The following TP53BP1 variants were observed in gnomAD, a reference collection of about 807,000 sequenced individuals.
TP53BP1 encodes the protein tumor protein p53 binding protein 1.
In TP53BP1, 61 loss-of-function variants were observed where a neutral mutation model predicts 200.8. The ratio of observed to expected loss-of-function variants is 0.30; its 90% confidence interval spans 0.25 to 0.38. The LOEUF is 0.38. Ranked by LOEUF, TP53BP1 falls within the 10% of genes least tolerant of loss-of-function variation. The pLI is 1.00. For synonymous variants in TP53BP1, 822 were observed against 844.3 expected (o/e 0.97, Z 0.46); for missense variants, 2,144 against 2,371.9 (o/e 0.90, Z 2.00).
intron 16 of TP53BP1, among the ~76,000 whole-genome samples, chr15:43,437,811 C>A (rs1197882374): frequency 6.6e-6 from 1 of 152,182 alleles, no homozygotes; most frequent in African/African-American, 2.4e-5. Flanking sequence ...AGTAGCAGTA[C>A]ATCTTAGTCT....
intron 14 of TP53BP1, among the ~76,000 whole-genome samples, chr15:43,444,697 C>A (rs761930237): frequency 1.3e-5 from 2 of 152,088 alleles, no homozygotes; most frequent in Non-Finnish European, 2.9e-5. Flanking sequence ...ATGTGAAGTA[C>A]CTGGTATACA....
chr15:43,446,660 A>C, intron 13 of TP53BP1, 70 bp from the exon 14 acceptor site: 1 of 1,577,084 alleles, frequency 6.3e-7, no homozygotes, highest in Non-Finnish European at 8.6e-7. Context: ...CAGCAATTCA[A>C]GGTCATCAAT....
At chr15:43,454,784 T>C (rs1177955122) in intron 12 of TP53BP1, among the ~76,000 whole-genome samples, 1 of 152,180 alleles carries the variant, frequency 6.6e-6, no homozygotes, top group African/African-American at 2.4e-5. Context: ...CAGGCTGCAA[T>C]GCAGTGGCGT....
At chr15:43,484,003 T>C (rs1473455945) in intron 4 of TP53BP1, among the ~76,000 whole-genome samples, 1 of 152,034 alleles carries the variant, frequency 6.6e-6, no homozygotes, top group African/African-American at 2.4e-5. Flanking sequence ...GGCCTAGACT[T>C]TTCCCTCTGA....
chr15:43,490,090 ATTATT>A (rs2079100507), intron 4 of TP53BP1, among the ~76,000 whole-genome samples: 1 of 148,012 alleles, frequency 6.8e-6, no homozygotes, highest in Admixed American at 6.7e-5. Context: ...TTTTTTTTTT[ATTATT>A]TTATTTTATT....
rs1038081557 is a variant in TP53BP1, at chr15:43,409,087, C to A, written c.5410G>T (p.Ala1804Ser). Residue 1804 changes from alanine to serine, a missense_variant, in exon 26 of 28, where the codon GCT (alanine) becomes TCT (serine). Around this residue, in one of 4 missense-constraint regions of TP53BP1, gnomAD observed 334 missense variants for 453.4 expected, o/e 0.74. Transcript: ENST00000382044. Reference sequence around the variant, plus strand: ...TCCGCAATTAGAAGACACTGGTAAGCTGTGTTACACTGCAAGAAAAGAAGC... The same window carrying A: ...TCCGCAATTAGAAGACACTGGTAAGATGTGTTACACTGCAAGAAAAGAAGC... Reference protein sequence around the residue: ...EDFNEAQCNTAYQCLLIADQH... With the variant: ...EDFNEAQCNTSYQCLLIADQH... 1 of 1,614,170 alleles carries A rather than the reference C, an allele frequency of 6.2e-7. No homozygotes were observed. Among genetic ancestry groups the A allele is most frequent in the African/African-American group, 1.3e-5 (1 of 75,046 alleles).
In TP53BP1 at chr15:43,447,488, G is replaced by GAA. The variant is rs749575788; in HGVS notation, c.2717-5_2717-4dup. On this transcript the variant is annotated splice_region_variant and splice_polypyrimidine_tract_variant and intron_variant, in intron 12 of 27. Transcript: ENST00000382044. ...CAAAGTGAAATGAAATGGGGTTTCT[G>GAA]AAAAAAAAAAAAAAAAGAAAAAAGA... The GAA allele has an allele frequency of 4.0e-3, 3,755 of 948,758 alleles. 2 individuals are homozygous for GAA. Among genetic ancestry groups the GAA allele is most frequent in the South Asian group, 8.8e-3 (301 of 34,210 alleles). 58.8% of individuals were successfully genotyped at this position (948,758 alleles called of 1,614,324 possible). A position where few individuals can be genotyped will look rare whatever the true frequency, so the allele number is the denominator to read the frequency against.
intron 13 of TP53BP1, chr15:43,446,930 A>T (rs1566939008): frequency 3.1e-6 from 2 of 640,452 alleles, no homozygotes; most frequent in Admixed American, 2.3e-5. Flanking sequence ...GAAAACAAAT[A>T]GGTTAATGTA....
Position 43,405,292 on chromosome 15 carries a change from C to A in TP53BP1, c.*2091G>T, listed in dbSNP as rs1055679436. 1 of 1,511,938 alleles carries A rather than the reference C, an allele frequency of 6.6e-7. No homozygotes were observed. Among genetic ancestry groups the A allele is most frequent in the Non-Finnish European group, 9.2e-7 (1 of 1,088,536 alleles). The allele number at this position is 1,511,938 out of a possible 1,614,324, so 93.7% of individuals were successfully genotyped here. A position where few individuals can be genotyped will look rare whatever the true frequency, so the allele number is the denominator to read the frequency against. On this transcript the variant is annotated 3_prime_UTR_variant, in exon 28 of 28. Transcript: ENST00000382044. ...GAAGATTCAAAACATCCCATTCTAG[C>A]CACACACAAATAAATATCTGCGGCT...
At chr15:43,462,216 C>CAAAAAAAA (rs779088744) in intron 11 of TP53BP1, among the ~76,000 whole-genome samples, 9 of 34,096 alleles carry the variant, frequency 2.6e-4, no homozygotes, top group Non-Finnish European at 3.7e-4. Flanking sequence ...GACTTCATCT[C>CAAAAAAAA]AAAAAAAAAA....
At position 43,406,230 on chromosome 15, in the gene TP53BP1, G is replaced by A. The variant is rs540676048; in HGVS notation, c.*1153C>T. 4.8e-4 allele frequency: 89 copies of A among 184,436 alleles called. No homozygotes were observed. Among genetic ancestry groups the A allele is most frequent in the African/African-American group, 2.1e-3 (88 of 42,212 alleles). 11.4% of individuals were successfully genotyped at this position (184,436 alleles called of 1,614,324 possible). On this transcript the variant is annotated 3_prime_UTR_variant, in exon 28 of 28. Transcript: ENST00000382044. ...TCACTGGTAATCAATATTCATATCA[G>A]TGTAAGTAAAAAGAAATATTCACTG...
chr15:43,491,317 G>A (rs1274782070), intron 4 of TP53BP1, among the ~76,000 whole-genome samples: 1 of 152,130 alleles, frequency 6.6e-6, no homozygotes, highest in African/African-American at 2.4e-5. Flanking sequence ...CTGACCTCAA[G>A]TGATCCATCC....
intron 12 of TP53BP1, among the ~76,000 whole-genome samples, chr15:43,452,830 G>C (rs1332660088): frequency 2.6e-5 from 4 of 152,054 alleles, no homozygotes; most frequent in African/African-American, 9.7e-5. Context: ...ATGTAAACAA[G>C]AATTCATGAA....
chr15:43,467,940 T>C (rs2140086060), intron 11 of TP53BP1, among the ~76,000 whole-genome samples: 1 of 152,284 alleles, frequency 6.6e-6, no homozygotes, highest in African/African-American at 2.4e-5. Flanking sequence ...CGTGCCAGCA[T>C]GCCTGGCTAA....
intron 24 of TP53BP1, among the ~76,000 whole-genome samples, chr15:43,410,711 C>A (rs1192716577): frequency 6.6e-6 from 1 of 152,122 alleles, no homozygotes; most frequent in Non-Finnish European, 1.5e-5. Flanking sequence ...CTCCCCTTCC[C>A]CTTCACACCC....
Position 43,415,680 on chromosome 15 carries a change from A to C in TP53BP1, c.5003T>G (p.Val1668Gly). The C allele has an allele frequency of 6.2e-7, 1 of 1,613,974 alleles. No homozygotes were observed. Among genetic ancestry groups the C allele is most frequent in the Non-Finnish European group, 8.5e-7 (1 of 1,179,990 alleles). The part of the protein sequence containing the change: ...ITESPRASMG[V>G]LSGKRKLITS... ...GATAAGTTTTCTTTTGCCTGAGAGA[A>C]CTCCCATGGAGGCACGAGGACTTTC... Residue 1668 changes from valine (V) to glycine (G), a missense_variant, in exon 23 of 28, where the codon GTT becomes GGT. Coordinates refer to ENST00000382044, the MANE Select transcript of TP53BP1 (RefSeq NM_001141980.3).
Position 43,438,421 on chromosome 15 carries a change from G to A in TP53BP1, c.3099-5C>T, listed in dbSNP as rs1333179546. 3.7e-6 allele frequency: 6 copies of A among 1,606,974 alleles called. No homozygotes were observed. The highest frequency in any genetic ancestry group is 4.3e-6 in the Non-Finnish European group (5 of 1,176,216). Reference sequence around the variant, plus strand: ...ACAGACATGGTCTTCTGGGGACTAAGACAATATATTAAAGCAATATATTGT... The same window carrying A: ...ACAGACATGGTCTTCTGGGGACTAAAACAATATATTAAAGCAATATATTGT... On this transcript the variant is annotated splice_region_variant and splice_polypyrimidine_tract_variant and intron_variant, in intron 15 of 27. Transcript: ENST00000382044.
chr15:43,406,349 C>T lies in TP53BP1; in HGVS notation c.*1034G>A. On this transcript the variant is annotated 3_prime_UTR_variant, in exon 28 of 28. Transcript: ENST00000382044. ...TTCATCACTACATATTCTACACACA[C>T]TGGGAAGCTCTGACAACTTATTCCC... 1 of 311,020 alleles carries T rather than the reference C, an allele frequency of 3.2e-6. No individual in the cohort carries two copies. Among genetic ancestry groups the T allele is most frequent in the Non-Finnish European group, 6.4e-6 (1 of 156,918 alleles). 19.3% of individuals were successfully genotyped at this position (311,020 alleles called of 1,614,324 possible). A position where few individuals can be genotyped will look rare whatever the true frequency, so the allele number is the denominator to read the frequency against.
At chr15:43,473,476 G>C (rs2046777048) in intron 10 of TP53BP1, among the ~76,000 whole-genome samples, 1 of 152,134 alleles carries the variant, frequency 6.6e-6, no homozygotes, top group Non-Finnish European at 1.5e-5. Context: ...AGAGTAGCTA[G>C]ATACAGAGTG....
Sources: gnomAD v4.1 joint callset for allele counts (sites outside exome capture counted in the v4.1 genomes callset) on GRCh38, gnomAD v4.1.1 for gene constraint, gnomAD v4.1.1 regional missense constraint, MANE v1.5 for transcripts, NCBI Gene and HGNC (gene_info 2026-07-23, HGNC 2026-07-21) for gene names.